Variants in SYNE1 observed in about 807,000 individuals in gnomAD.
SYNE1 encodes the protein nesprin-1.
Under a neutral mutation model 1,111.0 loss-of-function variants are expected in SYNE1, and 616 were observed. The ratio of observed to expected loss-of-function variants is 0.55; its 90% CI spans 0.52 to 0.59. SYNE1 has a LOEUF of 0.59. SYNE1 is among the 20% of genes least tolerant of loss of function. The pLI is 0.00. For missense variants in SYNE1, 10,006 were observed against 10,417.0 expected (o/e 0.96, Z 1.72); for synonymous variants, 3,855 against 3,825.8 (o/e 1.01, Z -0.28).
intron 3 of SYNE1, among the ~76,000 whole-genome samples, chr6:152,574,203 C>CAT (rs5880984): frequency 0.031 from 4,460 of 144,652 alleles, 104 homozygotes; most frequent in Non-Finnish European, 0.04. Flanking sequence ...TAAATATATA[C>CAT]ATATATATAT....
In SYNE1 at chr6:152,346,032, TGC is replaced by T. The variant is rs577194039; in HGVS notation, c.12078+1025_12078+1026del. Reference sequence around the variant, plus strand: ...AAAATATGAAATAAATTTACTTTTGTGCTACAAAATAAATGGAAAATTAGAAA... The same window carrying T: ...AAAATATGAAATAAATTTACTTTTGTTACAAAATAAATGGAAAATTAGAAA... On this transcript the variant is annotated intron_variant, in intron 73 of 145. Transcript: ENST00000367255. Among the ~76,000 whole-genome samples the T allele has an allele frequency of 1.2e-3, 185 of 152,336 alleles. 1 individual carries two copies. The highest frequency in any genetic ancestry group is 4.4e-3 in the African/African-American group (184 of 41,592).
intron 21 of SYNE1, among the ~76,000 whole-genome samples, chr6:152,459,445 C>T (rs564978323): frequency 6.6e-6 from 1 of 152,306 alleles, no homozygotes; most frequent in East Asian, 1.9e-4. Flanking sequence ...TCCTGCCTCC[C>T]ACCAGCTCCA....
intron 32 of SYNE1, among the ~76,000 whole-genome samples, chr6:152,438,893 T>A (rs2098500909): frequency 6.6e-6 from 1 of 152,166 alleles, no homozygotes; most frequent in Non-Finnish European, 1.5e-5. Flanking sequence ...GTTTTTTGAA[T>A]GAAAAAATAA....
intron 3 of SYNE1, among the ~76,000 whole-genome samples, chr6:152,573,415 A>AGT (rs2099480247): frequency 7.1e-6 from 1 of 140,840 alleles, no homozygotes; most frequent in Non-Finnish European, 1.5e-5. Context: ...CCCACCTATG[A>AGT]GTGAGAACAT....
chr6:152,287,422 T>A (rs1324585040), intron 95 of SYNE1, among the ~76,000 whole-genome samples: 6 of 152,248 alleles, frequency 3.9e-5, no homozygotes, highest in Non-Finnish European at 8.8e-5. Context: ...TGTAGCTTTA[T>A]AAATCTCCCT....
At chr6:152,283,354 T>C (rs1375123328) in intron 96 of SYNE1, among the ~76,000 whole-genome samples, 1 of 152,214 alleles carries the variant, frequency 6.6e-6, no homozygotes, top group Non-Finnish European at 1.5e-5. Context: ...CGTGTAAACA[T>C]AGCAAACCAT....
intron 3 of SYNE1, among the ~76,000 whole-genome samples, chr6:152,573,312 C>T (rs540702170): frequency 8.7e-4 from 126 of 144,440 alleles, no homozygotes; most frequent in African/African-American, 3.1e-3. Context: ...AGGTATATCT[C>T]CTAATGCTAT....
At chr6:152,362,529 C>T (rs767514784) in intron 63 of SYNE1, among the ~76,000 whole-genome samples, 13 of 152,170 alleles carry the variant, frequency 8.5e-5, no homozygotes, top group Middle Eastern at 3.4e-3. Flanking sequence ...ACATTTAAAC[C>T]CAGGCCAATA....
intron 58 of SYNE1, 152 bp downstream of exon 58, chr6:152,376,229 G>A: frequency 1.4e-6 from 1 of 721,834 alleles, no homozygotes; most frequent in South Asian, 1.6e-5. Flanking sequence ...AACGCTCATT[G>A]GCCTGCTGCT....
chr6:152,125,338 C>T, intron 145 of SYNE1: 1 of 1,550,242 alleles, frequency 6.5e-7, no homozygotes, highest in Non-Finnish European at 8.7e-7. Flanking sequence ...AAGTGGTTTC[C>T]TCGTGTCTAA....
chr6:152,474,659 T>C (rs2098825270), intron 14 of SYNE1: 1 of 152,212 alleles, frequency 6.6e-6, no homozygotes, highest in Non-Finnish European at 1.5e-5. Context: ...GTCAATAATT[T>C]AATACTTGAC....
At chr6:152,606,778 G>T (rs976732664) in intron 3 of SYNE1, among the ~76,000 whole-genome samples, 1 of 151,456 alleles carries the variant, frequency 6.6e-6, no homozygotes, top group Non-Finnish European at 1.5e-5. Flanking sequence ...CTCCCAAGTG[G>T]CTGGGACTAC....
chr6:152,160,018 T>C (rs1295792565), intron 131 of SYNE1, among the ~76,000 whole-genome samples: 2 of 151,110 alleles, frequency 1.3e-5, no homozygotes, highest in African/African-American at 4.9e-5. Context: ...GTTTCTTTTC[T>C]TTTTTTTTAG....
chr6:152,262,595 G>A (rs772385335), intron 100 of SYNE1, among the ~76,000 whole-genome samples: 1 of 152,118 alleles, frequency 6.6e-6, no homozygotes, highest in Non-Finnish European at 1.5e-5. Context: ...ACACAGGAGG[G>A]TACAACAGGA....
At position 152,278,069 on chromosome 6, in the gene SYNE1, C is replaced by T; in HGVS notation, c.18573+20G>A. 3.1e-6 allele frequency: 5 copies of T among 1,613,344 alleles called. No homozygotes were observed. Among genetic ancestry groups the T allele is most frequent in the Non-Finnish European group, 4.2e-6 (5 of 1,179,780 alleles). ...CAGTGTGCCAACTTTCAGCTGTGGG[C>T]CAGCGGCTGGAACCCTCACCTGCAT... On this transcript the variant is annotated intron_variant, in intron 98 of 145. Coordinates refer to ENST00000367255, the MANE Select transcript of SYNE1 (RefSeq NM_182961.4).
chr6:152,562,429 C>A (rs113119059), intron 3 of SYNE1, among the ~76,000 whole-genome samples: 2,836 of 152,010 alleles, frequency 0.019, 95 homozygotes, highest in African/African-American at 0.065. Context: ...AAAAGGGAAC[C>A]CTTGGACATT....
At position 152,242,251 on chromosome 6, in the gene SYNE1, C is replaced by G. The variant is rs896930522; in HGVS notation, c.19882G>C (p.Asp6628His). ...SSKEEIQQLL[D>H]KHKEYFQGLE... Reference sequence around the variant, plus strand: ...TTTTTGTTATGTACCTTATGTTTGTCAAGTAGTTGCTGGATTTCCTCTTTG... The same window carrying G: ...TTTTTGTTATGTACCTTATGTTTGTGAAGTAGTTGCTGGATTTCCTCTTTG... Residue 6628 changes from aspartate (D) to histidine (H), a missense_variant, in exon 107 of 146, where the codon GAC (aspartate) becomes CAC (histidine). Around this residue, in one of 7 missense-constraint regions of SYNE1, gnomAD observed 2,182 missense variants for 2,287.8 expected, o/e 0.95. Coordinates refer to ENST00000367255, the MANE Select transcript of SYNE1 (RefSeq NM_182961.4). The G allele has an allele frequency of 3.1e-6, 5 of 1,613,926 alleles. No homozygotes were observed. The highest frequency in any genetic ancestry group is 4.2e-6 in the Non-Finnish European group (5 of 1,179,904).
Position 152,318,260 on chromosome 6 carries a change from G to C in SYNE1, c.16393C>G (p.Leu5465Val), listed in dbSNP as rs770804853. The C allele has an allele frequency of 1.9e-6, 3 of 1,614,024 alleles. No individual in the cohort carries two copies. The highest frequency in any genetic ancestry group is 2.5e-6 in the Non-Finnish European group (3 of 1,179,984). The part of the protein sequence containing the change: ...VVQAKTDQKV[L>V]GEELDGCNSK... Reference sequence around the variant, plus strand: ...TTACAGCCATCTAATTCCTCTCCCAGCACCTTGATGGTCACCAAAATGAAA... The same window carrying C: ...TTACAGCCATCTAATTCCTCTCCCACCACCTTGATGGTCACCAAAATGAAA... The change falls in exon 86 of 146, where the codon CTG becomes GTG. Residue 5465 changes from leucine to valine, a missense_variant. Transcript: ENST00000367255.
At position 152,453,714 on chromosome 6, in the gene SYNE1, A is replaced by G. The variant is rs2098670338; in HGVS notation, c.2899T>C (p.Phe967Leu). ...EELLRRHTEF[F>L]SQLDQRVLNA... ...AGCACCCTCTGATCCAGCTGACTGA[A>G]AAACTCCTGACATGGAAGGGGAAAG... The change falls in exon 25 of 146, where the codon TTC becomes CTC. Residue 967 changes from phenylalanine to leucine, a missense_variant. Transcript: ENST00000367255. 1 of 1,614,184 alleles carries G rather than the reference A, an allele frequency of 6.2e-7. No homozygotes were observed. The highest frequency in any genetic ancestry group is 8.5e-7 in the Non-Finnish European group (1 of 1,180,030).
Sources: allele counts gnomAD v4.1 joint callset (sites outside exome capture counted in the v4.1 genomes callset), GRCh38; gene constraint gnomAD v4.1.1; regional missense constraint gnomAD v4.1.1; transcripts MANE v1.5; gene names NCBI Gene and HGNC (gene_info 2026-07-23, HGNC 2026-07-21).